Variants in USP22 observed in about 807,000 individuals in gnomAD.
USP22 encodes ubiquitin specific peptidase 22.
Under a neutral mutation model 68.1 loss-of-function variants are expected in USP22, and 22 were observed. The observed-to-expected ratio is 0.32, with a 90% CI of 0.23 to 0.46. The LOEUF is 0.46. Among genes scored for constraint, USP22 ranks in the 20% least tolerant of loss-of-function variants. The pLI is 1.00. For synonymous variants in USP22, 279 were observed against 274.2 expected (o/e 1.02, Z -0.17); for missense variants, 433 against 695.8 (o/e 0.62, Z 4.25).
At chr17:21,035,489 C>A (rs1972341922) in intron 1 of USP22, among the ~76,000 whole-genome samples, 1 of 149,636 alleles carries the variant, frequency 6.7e-6, no homozygotes. Context: ...ATAGGAGACC[C>A]TGCTACCAAT....
chr17:21,020,244 C>CAAAAAAAAAAAAACAA (rs1972136555), intron 3 of USP22, among the ~76,000 whole-genome samples: 2 of 73,252 alleles, frequency 2.7e-5, no homozygotes, highest in African/African-American at 5.2e-5. Context: ...AATCAAAAAC[C>CAAAAAAAAAAAAACAA]AAAAAAAAAA....
intron 1 of USP22, among the ~76,000 whole-genome samples, chr17:21,030,407 T>C (rs77729245): frequency 0.014 from 2,069 of 151,886 alleles, 20 homozygotes; most frequent in Non-Finnish European, 0.02. Flanking sequence ...TGTATGTATG[T>C]ATGCATGCAC....
rs370107565 is a variant in USP22 at position 21,039,897 on chromosome 17, G to A, written c.171+2768C>T. Among the ~76,000 whole-genome samples, 8 of 152,214 alleles carry A rather than the reference G, an allele frequency of 5.3e-5. No homozygotes were observed. In the East Asian group the frequency reaches 1.2e-3, roughly 22 times the overall value. ...CAGCTTAAAGTACTTTTACAGTCAA[G>A]TTCATATCATTAAAACCAAAAATAT... On this transcript the variant is annotated intron_variant, in intron 1 of 12. Coordinates refer to ENST00000261497, the MANE Select transcript of USP22 (RefSeq NM_015276.2).
At chr17:21,025,428 A>T (rs1365002816) in intron 2 of USP22, among the ~76,000 whole-genome samples, 1 of 152,250 alleles carries the variant, frequency 6.6e-6, no homozygotes, top group Non-Finnish European at 1.5e-5. Context: ...AAAATGGTGC[A>T]GCCACAAAAA....
At position 21,042,687 on chromosome 17, in the gene USP22, G is replaced by C; in HGVS notation, c.149C>G (p.Thr50Arg). 7.4e-7 allele frequency: 1 copy of C among 1,356,574 alleles called. No homozygotes were observed. The highest frequency in any genetic ancestry group is 1.7e-5 in the South Asian group (1 of 59,368). 84.0% of individuals were successfully genotyped at this position (1,356,574 alleles called of 1,614,324 possible). ...AIYQCFVWSG[T>R]AEARKRKAKS... ...CACCTTGCGCTTGCGGGCCTCAGCC[G>C]TGCCGCTCCACACGAAGCACTGGTA... Residue 50 changes from threonine (T) to arginine (R), a missense_variant, in exon 1 of 13, where the codon ACG (threonine) becomes AGG (arginine). Thr to Arg is a moderately conservative substitution (Grantham distance 71, BLOSUM62 -1). This residue lies in a region of USP22 where 110 missense variants were observed against 89.9 expected (regional missense o/e 1.22). Transcript: ENST00000261497.
intron 12 of USP22, among the ~76,000 whole-genome samples, 169 bp from the exon 13 acceptor site, chr17:21,003,242 G>A (rs567144496): frequency 6.6e-6 from 1 of 152,130 alleles, no homozygotes; most frequent in African/African-American, 2.4e-5. Flanking sequence ...TGCTTCACTG[G>A]CTGGTGGCAC....
intron 1 of USP22, among the ~76,000 whole-genome samples, chr17:21,030,376 G>C (rs1972273687): frequency 6.6e-6 from 1 of 151,794 alleles, no homozygotes; most frequent in Non-Finnish European, 1.5e-5. Context: ...GCTTGTGTGT[G>C]TGTGTGTGTG....
intron 1 of USP22, 78 bp from the exon 2 acceptor site, chr17:21,028,752 T>TC (rs966032443): frequency 2.6e-6 from 4 of 1,511,480 alleles, no homozygotes; most frequent in South Asian, 1.2e-5. Context: ...AAGCAAAGCA[T>TC]CCCCCCGAGA....
At chr17:21,021,271 C>T in intron 2 of USP22, 45 bp from the exon 3 acceptor site, 1 of 1,369,142 alleles carries the variant, frequency 7.3e-7, no homozygotes. Flanking sequence ...GAATTAAAAA[C>T]CACAATGGAA....
At chr17:21,022,199 A>C (rs1972165184) in intron 2 of USP22, among the ~76,000 whole-genome samples, 1 of 152,222 alleles carries the variant, frequency 6.6e-6, no homozygotes, top group Non-Finnish European at 1.5e-5. Flanking sequence ...CAATTTTCTA[A>C]AACAGTCACA....
At chr17:21,038,371 C>A (rs1293381305) in intron 1 of USP22, among the ~76,000 whole-genome samples, 1 of 152,118 alleles carries the variant, frequency 6.6e-6, no homozygotes, top group African/African-American at 2.4e-5. Flanking sequence ...TAAAGACAGA[C>A]TGAGGCATTG....
In USP22 at chr17:21,042,656, C is replaced by CG; in HGVS notation, c.171+8dup. Reference sequence around the variant, plus strand: ...CCGAGCCCGCCGCGCGGTGGGCTGCCGGGCGCACCTTGCGCTTGCGGGCCT... The same window carrying CG: ...CCGAGCCCGCCGCGCGGTGGGCTGCCGGGGCGCACCTTGCGCTTGCGGGCCT... On this transcript the variant is annotated intron_variant, in intron 1 of 12. Transcript: ENST00000261497. 7.9e-7 allele frequency: 1 copy of CG among 1,266,198 alleles called. No homozygotes were observed. Among genetic ancestry groups the CG allele is most frequent in the Non-Finnish European group, 1.0e-6 (1 of 1,001,956 alleles). 78.4% of individuals were successfully genotyped at this position (1,266,198 alleles called of 1,614,324 possible). A position where few individuals can be genotyped will look rare whatever the true frequency, so the allele number is the denominator to read the frequency against.
chr17:21,002,954 G>GA lies in USP22; in HGVS notation c.*76_*77insT. 1 of 1,509,986 alleles carries GA rather than the reference G, an allele frequency of 6.6e-7. No homozygotes were observed. The highest frequency in any genetic ancestry group is 1.9e-5 in the African/African-American group (1 of 51,480). 93.5% of individuals were successfully genotyped at this position (1,509,986 alleles called of 1,614,324 possible). ...GGGAGGCGGCGGGAGACTTGGGGGA[G>GA]GGGGGGGCCAGGGAGGATCACTTTG... On this transcript the variant is annotated 3_prime_UTR_variant, in exon 13 of 13. Transcript: ENST00000261497.
chr17:21,026,280 A>G (rs1046367808), intron 2 of USP22, among the ~76,000 whole-genome samples: 12 of 152,218 alleles, frequency 7.9e-5, no homozygotes, highest in African/African-American at 2.9e-4. Context: ...GCTGGATCAT[A>G]AACACATCAT....
chr17:21,042,584 A>T, intron 1 of USP22, 81 bp downstream of exon 1: 4 of 1,236,552 alleles, frequency 3.2e-6, no homozygotes, highest in Non-Finnish European at 4.1e-6. Flanking sequence ...GGAAGAGGGC[A>T]GGAAAAGGGC....
chr17:21,028,516 C>T, intron 2 of USP22, 26 bp downstream of exon 2: 2 of 1,610,414 alleles, frequency 1.2e-6, no homozygotes, highest in Non-Finnish European at 8.5e-7. Flanking sequence ...CCACAACTAT[C>T]CCCCCATCCC....
chr17:21,012,633 G>C (rs1239479357), intron 7 of USP22, among the ~76,000 whole-genome samples, 197 bp downstream of exon 7: 1 of 151,674 alleles, frequency 6.6e-6, no homozygotes, highest in Non-Finnish European at 1.5e-5. Flanking sequence ...CTCGCATCCC[G>C]AGGGGACACC....
intron 6 of USP22, among the ~76,000 whole-genome samples, 169 bp from the exon 7 acceptor site, chr17:21,013,104 G>A (rs372551619): frequency 3.9e-5 from 6 of 152,164 alleles, no homozygotes; most frequent in African/African-American, 1.4e-4. Context: ...ATTTTAATAT[G>A]ACGAGAAATC....
intron 2 of USP22, among the ~76,000 whole-genome samples, chr17:21,026,993 C>A (rs561582145): frequency 6.6e-6 from 1 of 151,816 alleles, no homozygotes; most frequent in African/African-American, 2.4e-5. Flanking sequence ...TTAGTAGAGA[C>A]GGGGTTTCAC....
Sources: gnomAD v4.1 joint callset for allele counts (sites outside exome capture counted in the v4.1 genomes callset) on GRCh38, gnomAD v4.1.1 for gene constraint, gnomAD v4.1.1 regional missense constraint, MANE v1.5 for transcripts, NCBI Gene and HGNC (gene_info 2026-07-23, HGNC 2026-07-21) for gene names.